USP34: variants seen among roughly 807,000 people sequenced by gnomAD.
USP34 encodes the protein ubiquitin specific peptidase 34.
Under a neutral mutation model 460.3 loss-of-function variants are expected in USP34, and 70 were observed. The observed-to-expected ratio is 0.15, with a 90% CI of 0.13 to 0.19. USP34 has a LOEUF of 0.19. Ranked by LOEUF, USP34 falls within the 10% of genes least tolerant of loss-of-function variation. The pLI is 1.00. For missense variants in USP34, 3,985 were observed against 4,236.2 expected (o/e 0.94, Z 1.65); for synonymous variants, 1,647 against 1,405.3 (o/e 1.17, Z -3.85).
intron 3 of USP34, among the ~76,000 whole-genome samples, chr2:61,397,773 C>A (rs572474502): frequency 2.0e-5 from 3 of 152,208 alleles, no homozygotes; most frequent in African/African-American, 7.2e-5. Context: ...GTGGCACACA[C>A]CTGTAGTCCC....
At chr2:61,401,634 C>T (rs917480465) in intron 3 of USP34, among the ~76,000 whole-genome samples, 12 of 146,610 alleles carry the variant, frequency 8.2e-5, no homozygotes, top group African/African-American at 2.3e-4. Flanking sequence ...CTGCAAGCTC[C>T]GCCTCCTGGG....
intron 21 of USP34, among the ~76,000 whole-genome samples, chr2:61,325,010 C>T (rs7572603): frequency 2.1e-4 from 32 of 151,826 alleles, no homozygotes; most frequent in Non-Finnish European, 3.1e-4. Flanking sequence ...AACCAAATAC[C>T]GTACATTCTT....
chr2:61,424,906 T>C (rs1400185152), intron 1 of USP34, among the ~76,000 whole-genome samples: 1 of 152,182 alleles, frequency 6.6e-6, no homozygotes. Flanking sequence ...ATCGGCTCAC[T>C]GCAACCTCCG....
At chr2:61,296,150 G>A (rs1311249089) in intron 30 of USP34, among the ~76,000 whole-genome samples, 1 of 152,044 alleles carries the variant, frequency 6.6e-6, no homozygotes, top group Non-Finnish European at 1.5e-5. Context: ...CTCAGCTACT[G>A]GGGAAGGTTG....
chr2:61,407,087 A>G (rs1693895749), intron 2 of USP34, among the ~76,000 whole-genome samples: 1 of 152,174 alleles, frequency 6.6e-6, no homozygotes, highest in Admixed American at 6.6e-5. Flanking sequence ...GCATATGTAG[A>G]TAATTAAAAG....
chr2:61,334,388 A>G (rs1691357269), intron 18 of USP34, among the ~76,000 whole-genome samples: 1 of 152,122 alleles, frequency 6.6e-6, no homozygotes, highest in Non-Finnish European at 1.5e-5. Flanking sequence ...TAAGGAGCAG[A>G]AAGGGGAAAG....
intron 5 of USP34, among the ~76,000 whole-genome samples, chr2:61,383,715 G>A (rs1165618808): frequency 6.6e-6 from 1 of 152,008 alleles, no homozygotes; most frequent in Non-Finnish European, 1.5e-5. Context: ...GCGAGACTCC[G>A]TCTCAAATAA....
chr2:61,338,226 T>C (rs1572947095), intron 18 of USP34, among the ~76,000 whole-genome samples: 10 of 151,888 alleles, frequency 6.6e-5, no homozygotes, highest in Admixed American at 5.9e-4. Context: ...GAGGCTGAGG[T>C]GGGAGAATCG....
intron 57 of USP34, among the ~76,000 whole-genome samples, chr2:61,232,939 G>A (rs1438848894): frequency 1.5e-5 from 2 of 132,772 alleles, no homozygotes; most frequent in African/African-American, 2.9e-5. Context: ...GCACGATCTC[G>A]GCTCACTGAA....
At position 61,417,090 on chromosome 2, in the gene USP34, C is replaced by T. The variant is rs983165886; in HGVS notation, c.131+3656G>A. Reference sequence around the variant, plus strand: ...CCCTGAGCAGGACCTCAATCACATGCGCCTTGTTCTGCAGCTTGGTATGGA... The same window carrying T: ...CCCTGAGCAGGACCTCAATCACATGTGCCTTGTTCTGCAGCTTGGTATGGA... On this transcript the variant is annotated intron_variant, in intron 2 of 79. Coordinates refer to ENST00000398571, the MANE Select transcript of USP34 (RefSeq NM_014709.4). 4.9e-6 allele frequency: 7 copies of T among 1,439,222 alleles called. No individual in the cohort carries two copies. In the African/African-American group the frequency reaches 5.6e-5, roughly 11 times the overall value. 89.2% of individuals were successfully genotyped at this position (1,439,222 alleles called of 1,614,324 possible). A position where few individuals can be genotyped will look rare whatever the true frequency, so the allele number is the denominator to read the frequency against.
At chr2:61,224,643 ACT>A (rs1687679007) in intron 62 of USP34, among the ~76,000 whole-genome samples, 2 of 152,210 alleles carry the variant, frequency 1.3e-5, no homozygotes, top group African/African-American at 4.8e-5. Context: ...AATGCTTGAT[ACT>A]GTTTTCCATT....
intron 1 of USP34, among the ~76,000 whole-genome samples, chr2:61,469,446 T>C (rs1004557936): frequency 6.6e-6 from 1 of 152,212 alleles, no homozygotes; most frequent in African/African-American, 2.4e-5. Context: ...TAGGATAATT[T>C]AGGGTGACAC....
chr2:61,243,490 GA>G (rs1032952219), intron 51 of USP34, among the ~76,000 whole-genome samples: 3 of 144,868 alleles, frequency 2.1e-5, no homozygotes, highest in Non-Finnish European at 3.0e-5. Context: ...ATATGTAAAA[GA>G]AAAAAAAAGT....
chr2:61,190,871 G>T (rs1184987980), intron 76 of USP34: 4 of 470,830 alleles, frequency 8.5e-6, no homozygotes, highest in Non-Finnish European at 1.5e-5. Flanking sequence ...TTTAGATTAA[G>T]GGAGTGCTGG....
rs746746281 is a variant in USP34 at position 61,223,137 on chromosome 2, G to A, written c.7672C>T (p.Arg2558Cys). The change falls in exon 64 of 80, where the codon CGT (arginine) becomes TGT (cysteine). Residue 2558 changes from arginine (R) to cysteine (C), a missense_variant. Transcript: ENST00000398571. ...GTTTGTCTTATATTGATGCCATCACGAATATGTTGAAACAAGAAGGGAAAT... is the reference window on the plus strand; with the variant it reads ...GTTTGTCTTATATTGATGCCATCACAAATATGTTGAAACAAGAAGGGAAAT... Reference protein sequence around the residue: ...KGFPFLFQHIRDGINIRQTCN... With the variant: ...KGFPFLFQHICDGINIRQTCN... The A allele has an allele frequency of 2.5e-6, 4 of 1,613,932 alleles. No individual in the cohort carries two copies. Among genetic ancestry groups the A allele is most frequent in the African/African-American group, 1.3e-5 (1 of 75,014 alleles).
chr2:61,216,243 A>G (rs1020902811), intron 67 of USP34, among the ~76,000 whole-genome samples: 4 of 152,200 alleles, frequency 2.6e-5, no homozygotes, highest in Non-Finnish European at 4.4e-5. Flanking sequence ...CCTGGCATGT[A>G]GGTATCATCC....
chr2:61,441,676 T>C (rs1304879942), intron 1 of USP34, among the ~76,000 whole-genome samples: 2 of 151,694 alleles, frequency 1.3e-5, no homozygotes, highest in South Asian at 2.1e-4. Context: ...TCTTGATGCA[T>C]GCCTGTAGTC....
At chr2:61,261,472 A>T (rs924668259) in intron 43 of USP34, among the ~76,000 whole-genome samples, 10 of 152,160 alleles carry the variant, frequency 6.6e-5, no homozygotes, top group African/African-American at 2.4e-4. Flanking sequence ...ATAGAGATGG[A>T]AAGTAGAATA....
At chr2:61,283,586 A>G (rs531864270) in intron 35 of USP34, 137 bp from the exon 36 acceptor site, 1 of 728,208 alleles carries the variant, frequency 1.4e-6, no homozygotes, top group African/African-American at 1.8e-5. Context: ...AGTGAGAGTG[A>G]GAGTGAGAGT....
Sources: gnomAD v4.1 joint callset for allele counts (sites outside exome capture counted in the v4.1 genomes callset) on GRCh38, gnomAD v4.1.1 for gene constraint, MANE v1.5 for transcripts, NCBI Gene and HGNC (gene_info 2026-07-23, HGNC 2026-07-21) for gene names.